The following WASL variants were observed in gnomAD, a reference collection of about 807,000 sequenced individuals.
The protein encoded by WASL is WASP like actin nucleation promoting factor.
WASL carries 20 observed loss-of-function variants against 55.5 expected under a neutral mutation model. The ratio of observed to expected loss-of-function variants is 0.36; its 90% CI spans 0.25 to 0.52. The LOEUF is 0.52. Among genes scored for constraint, WASL ranks in the 20% least tolerant of loss-of-function variants. The pLI, the probability that WASL is intolerant of heterozygous loss-of-function variation, is 0.92. For missense variants in WASL, 504 were observed against 622.5 expected, an observed-to-expected ratio of 0.81 and a Z score of 2.03; for synonymous variants, 249 against 217.6, an observed-to-expected ratio of 1.14 and a Z score of -1.27.
chr7:123,735,983 T>C (rs923715760), intron 1 of WASL, among the ~76,000 whole-genome samples: 6 of 151,754 alleles, frequency 4.0e-5, no homozygotes, highest in African/African-American at 1.2e-4. Context: ...CATAATCAGA[T>C]CCCTTCAAAC....
At chr7:123,733,857 T>G (rs1341135852) in intron 1 of WASL, among the ~76,000 whole-genome samples, 1 of 102,744 alleles carries the variant, frequency 9.7e-6, no homozygotes, top group Non-Finnish European at 1.9e-5. Context: ...GGCAATCCAA[T>G]AAAGAACTGA....
At chr7:123,706,989 T>C (rs1412371857) in intron 2 of WASL, among the ~76,000 whole-genome samples, 163 bp from the exon 3 acceptor site, 1 of 152,142 alleles carries the variant, frequency 6.6e-6, no homozygotes, top group South Asian at 2.1e-4. Context: ...CATAATCTAA[T>C]CAGTAATTTC....
At chr7:123,732,590 A>G (rs1804158261) in intron 1 of WASL, among the ~76,000 whole-genome samples, 1 of 152,204 alleles carries the variant, frequency 6.6e-6, no homozygotes, top group East Asian at 1.9e-4. Flanking sequence ...ACACCATAGC[A>G]GATGGTTTCA....
chr7:123,704,682 T>C (rs751167900), intron 4 of WASL, 25 bp from the exon 5 acceptor site: 2 of 1,369,766 alleles, frequency 1.5e-6, no homozygotes, highest in Non-Finnish European at 1.0e-6. Flanking sequence ...ATTAGAAGAA[T>C]ATTATTAAAT....
intron 5 of WASL, among the ~76,000 whole-genome samples, chr7:123,698,930 A>G (rs960221648): frequency 1.3e-5 from 2 of 152,196 alleles, no homozygotes; most frequent in South Asian, 2.1e-4. Flanking sequence ...CTGGTGGTCT[A>G]CTTTTACTTC....
chr7:123,693,060 G>A, intron 8 of WASL, among the ~76,000 whole-genome samples, 193 bp from the exon 9 acceptor site: 1 of 151,932 alleles, frequency 6.6e-6, no homozygotes, highest in East Asian at 1.9e-4. Context: ...TCAGCCTAAA[G>A]ATCACTTTCT....
intron 1 of WASL, among the ~76,000 whole-genome samples, chr7:123,747,000 T>C (rs924679498): frequency 3.9e-5 from 6 of 152,252 alleles, no homozygotes; most frequent in African/African-American, 1.2e-4. Flanking sequence ...TTTCCTAAAC[T>C]GAGCATATGC....
intron 9 of WASL, 73 bp downstream of exon 9, chr7:123,692,274 A>C: frequency 6.6e-7 from 1 of 1,517,362 alleles, no homozygotes; most frequent in Non-Finnish European, 8.8e-7. Context: ...TTTCAAAAAT[A>C]TCTTTCAATA....
At chr7:123,708,087 G>A (rs1803700561) in intron 2 of WASL, among the ~76,000 whole-genome samples, 1 of 152,144 alleles carries the variant, frequency 6.6e-6, no homozygotes, top group Admixed American at 6.6e-5. Flanking sequence ...TCAGAAGGCT[G>A]AGGTGGGAAG....
In WASL at chr7:123,706,523, T is replaced by A. The variant is rs185699382; in HGVS notation, c.340-150A>T. The A allele has an allele frequency of 3.4e-6, 3 of 879,190 alleles. No individual in the cohort carries two copies. The East Asian group carries it at 8.0e-5, about 23-fold the overall frequency. 54.5% of individuals were successfully genotyped at this position (879,190 alleles called of 1,614,324 possible). ...ACATTATTTTATGATCTGAATAACTTAACACAAAAGCATGAAGAAGTTCAA... is the reference window on the plus strand; with the variant it reads ...ACATTATTTTATGATCTGAATAACTAAACACAAAAGCATGAAGAAGTTCAA... On this transcript the variant is annotated intron_variant, in intron 3 of 10. Coordinates refer to ENST00000223023, the MANE Select transcript of WASL (RefSeq NM_003941.4).
chr7:123,730,376 T>C (rs563703797), intron 1 of WASL, among the ~76,000 whole-genome samples: 1 of 152,276 alleles, frequency 6.6e-6, no homozygotes, highest in South Asian at 2.1e-4. Flanking sequence ...TCAGTTATTA[T>C]AGCTTTTAGA....
chr7:123,719,338 G>A (rs867769040), intron 1 of WASL, among the ~76,000 whole-genome samples: 25 of 152,084 alleles, frequency 1.6e-4, no homozygotes, highest in African/African-American at 5.3e-4. Context: ...CCTTTATGTC[G>A]AAATCCATGC....
At chr7:123,746,839 T>C (rs1450830829) in intron 1 of WASL, among the ~76,000 whole-genome samples, 1 of 152,252 alleles carries the variant, frequency 6.6e-6, no homozygotes, top group Non-Finnish European at 1.5e-5. Context: ...TGTGTATAAA[T>C]GTAATGTCCT....
intron 1 of WASL, among the ~76,000 whole-genome samples, chr7:123,724,057 T>C (rs1198213176): frequency 6.6e-6 from 1 of 152,190 alleles, no homozygotes; most frequent in Non-Finnish European, 1.5e-5. Context: ...GCCTGAAGTA[T>C]TGTAATAGCT....
At chr7:123,739,910 G>GTA (rs1420270595) in intron 1 of WASL, among the ~76,000 whole-genome samples, 16 of 58,232 alleles carry the variant, frequency 2.7e-4, no homozygotes, top group Admixed American at 1.0e-3. Flanking sequence ...GTGTGTGTGT[G>GTA]TGTGTATATA....
Position 123,683,582 on chromosome 7 carries a change from A to C in WASL, c.*937T>G, listed in dbSNP as rs183533763. On this transcript the variant is annotated 3_prime_UTR_variant, in exon 11 of 11. Coordinates refer to ENST00000223023, the MANE Select transcript of WASL (RefSeq NM_003941.4). ...TATGGTTGGTATTTCTGAACACCTCAATCCACACAAAGTGCAAAATAAAAA... is the reference window on the plus strand; with the variant it reads ...TATGGTTGGTATTTCTGAACACCTCCATCCACACAAAGTGCAAAATAAAAA... 7.2e-6 allele frequency: 1 copy of C among 139,218 alleles called. No individual in the cohort carries two copies. The highest frequency in any genetic ancestry group is 2.2e-4 in the East Asian group (1 of 4,638). The allele number at this position is 139,218 out of a possible 1,614,324, so 8.6% of individuals were successfully genotyped here.
At chr7:123,709,335 A>G (rs1285788523) in intron 1 of WASL, 112 bp from the exon 2 acceptor site, 3 of 788,988 alleles carry the variant, frequency 3.8e-6, no homozygotes, top group African/African-American at 3.6e-5. Flanking sequence ...TAAATTCCTG[A>G]TTCACAGAAA....
At chr7:123,740,060 A>G (rs1804309823) in intron 1 of WASL, among the ~76,000 whole-genome samples, 1 of 152,056 alleles carries the variant, frequency 6.6e-6, no homozygotes, top group Non-Finnish European at 1.5e-5. Flanking sequence ...GGAGGGTGTT[A>G]TGTGCTTAGT....
chr7:123,707,645 A>G (rs916405795), intron 2 of WASL, among the ~76,000 whole-genome samples: 1 of 152,258 alleles, frequency 6.6e-6, no homozygotes, highest in Non-Finnish European at 1.5e-5. Flanking sequence ...TTCACACATT[A>G]TAACCACTGC....
Sources: gnomAD v4.1 joint callset for allele counts (sites outside exome capture counted in the v4.1 genomes callset) on GRCh38, gnomAD v4.1.1 for gene constraint, MANE v1.5 for transcripts, NCBI Gene and HGNC (gene_info 2026-07-23, HGNC 2026-07-21) for gene names.